SYTL5: variants seen among roughly 807,000 people sequenced by gnomAD.
The protein encoded by SYTL5 is synaptotagmin like 5.
In SYTL5, 34 loss-of-function variants were observed where a neutral mutation model predicts 55.9. That is an observed-to-expected ratio of 0.61 (90% CI 0.46 to 0.81). The LOEUF (loss-of-function observed/expected upper bound fraction) is 0.81. Among genes scored for constraint, SYTL5 ranks in the 30% least tolerant of loss-of-function variants. SYTL5 has a pLI of 0.00. For synonymous variants in SYTL5, 221 were observed against 188.7 expected (o/e 1.17, Z -1.40); for missense variants, 637 against 546.7 (o/e 1.17, Z -1.65).
intron 6 of SYTL5, among the ~76,000 whole-genome samples, chrX:38,079,011 G>C (rs906905487): frequency 2.7e-5 from 3 of 112,063 alleles, no homozygotes; most frequent in Non-Finnish European, 3.8e-5. Flanking sequence ...CCTTTCCCTT[G>C]AACGTGCATT....
intron 2 of SYTL5, among the ~76,000 whole-genome samples, chrX:38,049,458 G>T (rs181133712): frequency 5.4e-4 from 60 of 111,126 alleles, no homozygotes; most frequent in African/African-American, 1.9e-3. Context: ...CATTAAAGCA[G>T]GGGTCTGGAC....
At chrX:37,905,426 G>GGT in the SYTL5 span, among the ~76,000 whole-genome samples, 1 of 98,011 alleles carries the variant, frequency 1.0e-5, no homozygotes, top group Non-Finnish European at 2.1e-5. Context: ...GATGGGCCAT[G>GGT]GTGTGTGTGT....
chrX:38,011,867 C>T (rs1030239052), intron 1 of SYTL5, among the ~76,000 whole-genome samples: 28 of 107,151 alleles, frequency 2.6e-4, no homozygotes, highest in African/African-American at 6.7e-4. Context: ...GTTCTCTCAC[C>T]GTAGTTTAGT....
chrX:37,986,413 A>G, the SYTL5 span, among the ~76,000 whole-genome samples: 1 of 111,396 alleles, frequency 9.0e-6, no homozygotes, highest in East Asian at 2.8e-4. Context: ...ATTAGAACAG[A>G]ACAGAACAGG....
intron 2 of SYTL5, among the ~76,000 whole-genome samples, chrX:38,048,675 C>G (rs1935543005): frequency 9.1e-6 from 1 of 110,385 alleles, no homozygotes. Flanking sequence ...TTTATAAAAC[C>G]ATCAGATCTC....
intron 1 of SYTL5, among the ~76,000 whole-genome samples, chrX:38,009,318 C>T (rs1166543482): frequency 8.9e-6 from 1 of 112,270 alleles, no homozygotes; most frequent in South Asian, 3.7e-4. Flanking sequence ...CTTATCTTTT[C>T]CATCTGCTAT....
the SYTL5 span, among the ~76,000 whole-genome samples, chrX:37,995,511 A>G: frequency 8.9e-6 from 1 of 112,083 alleles, no homozygotes. Flanking sequence ...ATGATTCCTT[A>G]TGGAGAGCTA....
At chrX:37,955,990 A>G in the SYTL5 span, among the ~76,000 whole-genome samples, 1 of 112,011 alleles carries the variant, frequency 8.9e-6, no homozygotes, top group Non-Finnish European at 1.9e-5. Flanking sequence ...TACTGTATTG[A>G]TTCTCCTAAG....
rs896067033 is a variant in SYTL5 at position 38,115,409 on chromosome X, G to A, written c.1596+4927G>A. On this transcript the variant is annotated intron_variant, in intron 13 of 16. Coordinates refer to ENST00000297875, the MANE Select transcript of SYTL5 (RefSeq NM_138780.3). ...TGAGGCAGGAGAATGGCGTGAACCCGGGAGGCGGAGCTTGCAGTGAGCCGA... is the reference window on the plus strand; with the variant it reads ...TGAGGCAGGAGAATGGCGTGAACCCAGGAGGCGGAGCTTGCAGTGAGCCGA... Among the ~76,000 whole-genome samples, 47 of 95,819 alleles carry A rather than the reference G, an allele frequency of 4.9e-4. 1 individual carries two copies. The highest frequency in any genetic ancestry group is 1.8e-3 in the African/African-American group (44 of 23,922). The allele number at this position is 95,819 out of a possible 115,157, so 83.2% of individuals were successfully genotyped here.
chrX:38,115,388 G>A (rs1937460273), intron 13 of SYTL5, among the ~76,000 whole-genome samples: 1 of 99,167 alleles, frequency 1.0e-5, no homozygotes, highest in Non-Finnish European at 2.0e-5. Flanking sequence ...GGAGGCTGAG[G>A]CAGGAGAATG....
At chrX:37,970,273 T>A in the SYTL5 span, among the ~76,000 whole-genome samples, 1 of 111,099 alleles carries the variant, frequency 9.0e-6, no homozygotes, top group Non-Finnish European at 1.9e-5. Context: ...TCCCTCTTTC[T>A]TGTACAACCC....
the SYTL5 span, among the ~76,000 whole-genome samples, chrX:37,934,688 G>A: frequency 4.8e-5 from 5 of 104,694 alleles, no homozygotes; most frequent in Non-Finnish European, 9.8e-5. Context: ...AGGCTGGAGT[G>A]CAGTGGCACG....
At chrX:38,104,790 C>T (rs999075972) in intron 10 of SYTL5, among the ~76,000 whole-genome samples, 1 of 111,888 alleles carries the variant, frequency 8.9e-6, no homozygotes, top group Non-Finnish European at 1.9e-5. Flanking sequence ...TCTTTTGTGA[C>T]AGTTACTGAG....
intron 11 of SYTL5, among the ~76,000 whole-genome samples, chrX:38,107,126 C>A (rs1267127193): frequency 8.9e-6 from 1 of 111,904 alleles, no homozygotes; most frequent in Non-Finnish European, 1.9e-5. Flanking sequence ...AACTGTTACC[C>A]AATTAAACAA....
chrX:38,035,556 A>G (rs1345988820), intron 2 of SYTL5, among the ~76,000 whole-genome samples: 9 of 104,589 alleles, frequency 8.6e-5, no homozygotes, highest in Non-Finnish European at 9.8e-5. Flanking sequence ...GCGCCACTGC[A>G]CTCCAGCCTG....
At chrX:37,988,709 A>G in the SYTL5 span, among the ~76,000 whole-genome samples, 3 of 112,418 alleles carry the variant, frequency 2.7e-5, no homozygotes, top group Non-Finnish European at 3.8e-5. Flanking sequence ...TAAACAAACT[A>G]TTGATAGAAA....
chrX:38,110,224 C>A, intron 12 of SYTL5, 97 bp from the exon 13 acceptor site: 2 of 529,159 alleles, frequency 3.8e-6, no homozygotes, highest in African/African-American at 2.4e-5. Flanking sequence ...ATTACTGATG[C>A]ATATGATCTG....
At chrX:38,003,130 T>C (rs1375445396), upstream of SYTL5, among the ~76,000 whole-genome samples, 1 of 111,961 alleles carries the variant, frequency 8.9e-6, no homozygotes, top group Admixed American at 9.5e-5. Flanking sequence ...AGGGAATCCT[T>C]TCCCCATTGC....
the SYTL5 span, among the ~76,000 whole-genome samples, chrX:37,916,193 ACTCCCTAATGG>A: frequency 9.0e-6 from 1 of 110,961 alleles, no homozygotes; most frequent in Non-Finnish European, 1.9e-5. Context: ...CTTTAGAATA[ACTCCCTAATGG>A]CTCCCACACA....
Sources: allele counts gnomAD v4.1 joint callset (sites outside exome capture counted in the v4.1 genomes callset), GRCh38; gene constraint gnomAD v4.1.1; transcripts MANE v1.5; gene names NCBI Gene and HGNC (gene_info 2026-07-23, HGNC 2026-07-21).